The following PNPLA7 variants were observed in gnomAD, a reference collection of about 807,000 sequenced individuals.
PNPLA7 encodes patatin like domain 7, lysophospholipase, also known as patatin-like phospholipase domain-containing protein 7.
A neutral mutation model predicts 161.7 loss-of-function variants in PNPLA7; 153 were observed. The ratio of observed to expected loss-of-function variants is 0.95; its 90% confidence interval spans 0.83 to 1.08. The LOEUF (loss-of-function observed/expected upper bound fraction) is 1.08. PNPLA7 is among the 50% of genes least tolerant of loss of function. PNPLA7 has a pLI of 0.00. For missense variants in PNPLA7, 1,739 were observed against 1,856.6 expected, an observed-to-expected ratio of 0.94 and a Z score of 1.16; for synonymous variants, 809 against 782.1, an observed-to-expected ratio of 1.03 and a Z score of -0.57.
At chr9:137,502,212 G>T (rs1303533194) in intron 14 of PNPLA7, among the ~76,000 whole-genome samples, 3 of 152,118 alleles carry the variant, frequency 2.0e-5, no homozygotes, top group Non-Finnish European at 4.4e-5. Flanking sequence ...CAGTGGACCC[G>T]GAGCCTGTGG....
At chr9:137,464,097 C>T (rs200458696) in intron 28 of PNPLA7, 29 bp downstream of exon 28, 229 of 1,608,500 alleles carry the variant, frequency 1.4e-4, no homozygotes, top group East Asian at 2.2e-4. Context: ...CGCACCCAAG[C>T]GGCCGCCCTG....
chr9:137,462,176 C>T lies in PNPLA7; in HGVS notation c.3645+3G>A. On this transcript the variant is annotated splice_donor_region_variant and intron_variant, in intron 31 of 34. Coordinates refer to ENST00000406427, the MANE Select transcript of PNPLA7 (RefSeq NM_001098537.3). ...TCCGCCGCCGCGGGTGGCCGGCACT[C>T]ACGCAGATCTCGTTGAACTTGCCGA... The T allele has an allele frequency of 1.9e-6, 3 of 1,561,040 alleles. No homozygotes were observed. Among genetic ancestry groups the T allele is most frequent in the Non-Finnish European group, 2.6e-6 (3 of 1,149,886 alleles).
chr9:137,489,497 A>G (rs1229478916), intron 20 of PNPLA7, among the ~76,000 whole-genome samples: 3 of 152,144 alleles, frequency 2.0e-5, no homozygotes, highest in African/African-American at 7.2e-5. Context: ...GTATGCCAAG[A>G]GCAAGGAGGA....
chr9:137,542,558 T>C lies in PNPLA7; in HGVS notation c.666+84A>G, dbSNP rs1180167780. 8.0e-6 allele frequency: 11 copies of C among 1,375,906 alleles called. No individual in the cohort carries two copies. The South Asian group carries it at 1.8e-4, about 22-fold the overall frequency. The allele number at this position is 1,375,906 out of a possible 1,614,324, so 85.2% of individuals were successfully genotyped here. A position where few individuals can be genotyped will look rare whatever the true frequency, so the allele number is the denominator to read the frequency against. ...ATCAAAATTTTGCCTAGCTTTTCAA[T>C]GAGAAACGTTTTACAGCCCGAGAAG... On this transcript the variant is annotated intron_variant, in intron 7 of 34. Coordinates refer to ENST00000406427, the MANE Select transcript of PNPLA7 (RefSeq NM_001098537.3).
chr9:137,500,033 G>A lies in PNPLA7; in HGVS notation c.1757+658C>T, dbSNP rs910163762. Reference sequence around the variant, plus strand: ...CTGACAGAGCAGAATGCCCAGTGCCGTGGATGCAAAGACGTGGCGGCTCTG... The same window carrying A: ...CTGACAGAGCAGAATGCCCAGTGCCATGGATGCAAAGACGTGGCGGCTCTG... On this transcript the variant is annotated intron_variant, in intron 16 of 34. Coordinates refer to ENST00000406427, the MANE Select transcript of PNPLA7 (RefSeq NM_001098537.3). The surrounding 1 kb of genome is among the most constrained non-coding windows in gnomAD (Gnocchi z 5.5). Among the ~76,000 whole-genome samples the A allele has an allele frequency of 1.3e-5, 2 of 152,270 alleles. No homozygotes were observed. The highest frequency in any genetic ancestry group is 2.9e-5 in the Non-Finnish European group (2 of 68,050).
chr9:137,471,388 C>T (rs1290996313), intron 25 of PNPLA7, among the ~76,000 whole-genome samples: 2 of 152,058 alleles, frequency 1.3e-5, no homozygotes, highest in South Asian at 2.1e-4. Flanking sequence ...ATCATGAGAT[C>T]AGGAGTTCAA....
At chr9:137,507,489 G>C (rs1833984745) in intron 12 of PNPLA7, among the ~76,000 whole-genome samples, 1 of 152,124 alleles carries the variant, frequency 6.6e-6, no homozygotes, top group Non-Finnish European at 1.5e-5. Flanking sequence ...GACCAACATG[G>C]AGAAACCCTG....
intron 24 of PNPLA7, 82 bp downstream of exon 24, chr9:137,478,974 T>C (rs1588559240): frequency 7.0e-7 from 1 of 1,423,174 alleles, no homozygotes; most frequent in South Asian, 1.4e-5. Context: ...GGGAATCAGG[T>C]GGGGAATGTG....
intron 22 of PNPLA7, 74 bp from the exon 23 acceptor site, chr9:137,480,554 G>A: frequency 6.7e-7 from 1 of 1,485,084 alleles, no homozygotes; most frequent in East Asian, 2.4e-5. Flanking sequence ...CCGGGGCAAA[G>A]AGGCAGCAGA....
Position 137,515,403 on chromosome 9 carries a change from C to A in PNPLA7, c.1201G>T (p.Asp401Tyr), listed in dbSNP as rs1311198048. 2 of 1,604,388 alleles carry A rather than the reference C, an allele frequency of 1.2e-6. No homozygotes were observed. The highest frequency in any genetic ancestry group is 1.7e-6 in the Non-Finnish European group (2 of 1,176,602). Residue 401 changes from aspartate (D) to tyrosine (Y), a missense_variant, in exon 12 of 35, where the codon GAC becomes TAC. This residue lies in a region of PNPLA7 where 481 missense variants were observed against 450.0 expected (regional missense o/e 1.07). Transcript: ENST00000406427. ...LEELEKPGAG[D>Y]PDPSAPQGGP... ...CCTTGTGGGGCCGAAGGGTCAGGGT[C>A]ACCTGCCCCGGGCTTCTCCAGCTCC...
Position 137,499,780 on chromosome 9 carries a change from G to A in PNPLA7, c.1757+911C>T, listed in dbSNP as rs371213310. Among the ~76,000 whole-genome samples the A allele has an allele frequency of 6.6e-6, 1 of 152,234 alleles. No individual in the cohort carries two copies. The highest frequency in any genetic ancestry group is 1.5e-5 in the Non-Finnish European group (1 of 68,030). ...ATTTGCTGGATTACAGGCGTGAGCC[G>A]CTGCACCCAGCCGACCTGTTTTCTT... On this transcript the variant is annotated intron_variant, in intron 16 of 34. Coordinates refer to ENST00000406427, the MANE Select transcript of PNPLA7 (RefSeq NM_001098537.3). This position sits in a 1 kb window ranked among gnomAD's most constrained non-coding sequence, Gnocchi z 5.5.
At chr9:137,504,969 A>G (rs1833832853) in intron 14 of PNPLA7, among the ~76,000 whole-genome samples, 1 of 152,132 alleles carries the variant, frequency 6.6e-6, no homozygotes, top group South Asian at 2.1e-4. Context: ...TGGGCAAATC[A>G]TTTGAGGTCA....
rs1021888911 is a variant in PNPLA7, at chr9:137,462,705, G to T, written c.3472C>A (p.Pro1158Thr). 6.2e-7 allele frequency: 1 copy of T among 1,613,838 alleles called. No individual in the cohort carries two copies. The highest frequency in any genetic ancestry group is 8.5e-7 in the Non-Finnish European group (1 of 1,179,966). Residue 1158 changes from proline to threonine, a missense_variant, in exon 30 of 35, where the codon CCC becomes ACC. Physicochemically the swap from Pro to Thr is conservative, Grantham distance 38. Around this residue, in one of 6 missense-constraint regions of PNPLA7, gnomAD observed 703 missense variants for 694.6 expected, o/e 1.01. Coordinates refer to ENST00000406427, the MANE Select transcript of PNPLA7 (RefSeq NM_001098537.3). ...GWWLLWKRWNPLATKVKVLNM... is the reference protein window; with the variant it reads ...GWWLLWKRWNTLATKVKVLNM... ...CCCACCTTGACTTTCGTGGCCAAGG[G>T]GTTCCAGCGTTTCCACAGCAGCCAC...
chr9:137,515,450 G>A lies in PNPLA7; in HGVS notation c.1154C>T (p.Ser385Phe). The change falls in exon 12 of 35, where the codon TCC becomes TTC. Residue 385 changes from serine (S) to phenylalanine (F), a missense_variant. Around this residue, in one of 6 missense-constraint regions of PNPLA7, gnomAD observed 481 missense variants for 450.0 expected, o/e 1.07. Transcript: ENST00000406427. ...LKRSHSVPAP[S>F]IRKQILEELE... is the part of the protein sequence containing the mutation. ...CTCCTCCAAGATCTGTTTGCGAATG[G>A]AAGGCGCGGGGACGGAGTGGCTCCT... 1 of 1,596,926 alleles carries A rather than the reference G, an allele frequency of 6.3e-7. No individual in the cohort carries two copies. Among genetic ancestry groups the A allele is most frequent in the South Asian group, 1.1e-5 (1 of 88,134 alleles).
intron 15 of PNPLA7, 83 bp downstream of exon 15, chr9:137,501,567 T>C: frequency 7.3e-7 from 1 of 1,361,918 alleles, no homozygotes; most frequent in East Asian, 2.5e-5. Context: ...TGGTGTCCAG[T>C]CCAGGCCCTC....
chr9:137,494,962 C>G (rs1410466148), intron 19 of PNPLA7, 71 bp downstream of exon 19: 2 of 1,398,750 alleles, frequency 1.4e-6, no homozygotes, highest in Non-Finnish European at 1.0e-6. Flanking sequence ...CCGCTCCGCC[C>G]TCACCTGTTC....
chr9:137,548,105 G>A (rs549226078), intron 1 of PNPLA7, among the ~76,000 whole-genome samples: 2 of 152,328 alleles, frequency 1.3e-5, no homozygotes, highest in South Asian at 2.1e-4. Context: ...GGCAGCGGCC[G>A]AGAAGGCTCT....
intron 20 of PNPLA7, chr9:137,492,136 C>T: frequency 2.0e-6 from 2 of 985,294 alleles, no homozygotes; most frequent in Non-Finnish European, 2.4e-6. Context: ...AGCCTGAGAG[C>T]TAACAGTGGC....
intron 14 of PNPLA7, among the ~76,000 whole-genome samples, chr9:137,503,789 AAT>A (rs1479375888): frequency 1.9e-4 from 3 of 15,908 alleles, no homozygotes; most frequent in Admixed American, 7.8e-4. Flanking sequence ...GAAAGAAGAG[AAT>A]GAAGAAGAAG....
Sources: allele counts gnomAD v4.1 joint callset (sites outside exome capture counted in the v4.1 genomes callset), GRCh38; gene constraint gnomAD v4.1.1; regional missense constraint gnomAD v4.1.1; non-coding constraint Gnocchi (gnomAD v3.1); transcripts MANE v1.5; gene names NCBI Gene and HGNC (gene_info 2026-07-23, HGNC 2026-07-21).